SPARC: variants seen among roughly 807,000 people sequenced by gnomAD.
SPARC encodes the protein secreted protein acidic and cysteine rich.
In SPARC, 23 loss-of-function variants were observed where a neutral mutation model predicts 37.7. That is an observed-to-expected ratio of 0.61 (90% CI 0.44 to 0.87). The LOEUF (loss-of-function observed/expected upper bound fraction) is 0.87. Among genes scored for constraint, SPARC ranks in the 40% least tolerant of loss-of-function variants. The pLI, the probability that SPARC is intolerant of heterozygous loss-of-function variation, is 0.00. For missense variants in SPARC, 312 were observed against 389.0 expected (o/e 0.80, Z 1.66); for synonymous variants, 155 against 150.8 (o/e 1.03, Z -0.20).
At chr5:151,677,269 C>A (rs1760878138) in intron 1 of SPARC, among the ~76,000 whole-genome samples, 1 of 151,870 alleles carries the variant, frequency 6.6e-6, no homozygotes, top group South Asian at 2.1e-4. Context: ...TCTAAATGTG[C>A]CTCCCTCAAA....
intron 1 of SPARC, among the ~76,000 whole-genome samples, chr5:151,682,991 A>G (rs373183264): frequency 2.6e-5 from 4 of 151,414 alleles, no homozygotes; most frequent in African/African-American, 9.7e-5. Flanking sequence ...CTAAGCTGCC[A>G]GTTGAGGAGA....
At chr5:151,680,706 G>A (rs1214171164) in intron 1 of SPARC, among the ~76,000 whole-genome samples, 1 of 152,170 alleles carries the variant, frequency 6.6e-6, no homozygotes, top group Non-Finnish European at 1.5e-5. Context: ...ATGACCTTTA[G>A]AAATCAACTT....
intron 6 of SPARC, 152 bp from the exon 7 acceptor site, chr5:151,667,752 G>T: frequency 1.3e-6 from 1 of 783,560 alleles, no homozygotes; most frequent in East Asian, 2.7e-5. Context: ...AGGACAATGA[G>T]CAGAGGAGAT....
At chr5:151,677,758 C>T (rs1330752727) in intron 1 of SPARC, among the ~76,000 whole-genome samples, 2 of 152,154 alleles carry the variant, frequency 1.3e-5, no homozygotes, top group Non-Finnish European at 2.9e-5. Flanking sequence ...AGGAAGAGCC[C>T]ACTTCATAAT....
At position 151,666,483 on chromosome 5, in the gene SPARC, C is replaced by T; in HGVS notation, c.612G>A (p.Lys204=). The T allele has an allele frequency of 6.2e-7, 1 of 1,614,120 alleles. No homozygotes were observed. Among genetic ancestry groups the T allele is most frequent in the Non-Finnish European group, 8.5e-7 (1 of 1,180,006 alleles). ...LRVKKIHENE[K]RLEAGDHPVE... is the part of the protein sequence containing the mutation. Reference sequence around the variant, plus strand: ...CGGGGTGGTCTCCTGCCTCCAGGCGCTTCTCATTCTCATGGATCTTCTTCA... The same window carrying T: ...CGGGGTGGTCTCCTGCCTCCAGGCGTTTCTCATTCTCATGGATCTTCTTCA... The change falls in exon 8 of 10, where the codon AAG becomes AAA. Residue 204 remains lysine, a synonymous_variant. Coordinates refer to ENST00000231061, the MANE Select transcript of SPARC (RefSeq NM_003118.4).
rs186273180 is a variant in SPARC, at chr5:151,665,958, G to A, written c.734+403C>T. ...GCCCTATTGGGGCTGAGCCTTAGGAGGGGGCTTAGACAGTGCCAGGTGGCT... is the reference window on the plus strand; with the variant it reads ...GCCCTATTGGGGCTGAGCCTTAGGAAGGGGCTTAGACAGTGCCAGGTGGCT... On this transcript the variant is annotated intron_variant, in intron 8 of 9. Coordinates refer to ENST00000231061, the MANE Select transcript of SPARC (RefSeq NM_003118.4). Among the ~76,000 whole-genome samples the A allele has an allele frequency of 2.6e-5, 4 of 152,300 alleles. No homozygotes were observed. In the East Asian group the frequency reaches 7.7e-4, roughly 29 times the overall value.
intron 1 of SPARC, among the ~76,000 whole-genome samples, chr5:151,682,877 C>T (rs1275588984): frequency 6.6e-6 from 1 of 152,200 alleles, no homozygotes; most frequent in African/African-American, 2.4e-5. Flanking sequence ...TACCAAGTTT[C>T]TGAAAGAAAC....
rs1381120378 is a variant in SPARC, at chr5:151,661,947, C to T, written c.*1624G>A. 2 of 152,356 alleles carry T rather than the reference C, an allele frequency of 1.3e-5. No individual in the cohort carries two copies. The highest frequency in any genetic ancestry group is 4.8e-5 in the African/African-American group (2 of 41,582). 9.4% of individuals were successfully genotyped at this position (152,356 alleles called of 1,614,324 possible). ...CTCATGGTCTCTCCTACTCTCCCTT[C>T]ATCACACCTGTGACATCTTGCAATT... On this transcript the variant is annotated 3_prime_UTR_variant, in exon 10 of 10. Coordinates refer to ENST00000231061, the MANE Select transcript of SPARC (RefSeq NM_003118.4).
At chr5:151,663,820 T>C (rs1335985517) in intron 9 of SPARC, among the ~76,000 whole-genome samples, 1 of 152,166 alleles carries the variant, frequency 6.6e-6, no homozygotes, top group Non-Finnish European at 1.5e-5. Flanking sequence ...GTTTCCTCTC[T>C]GTGTGCCTGC....
At position 151,685,422 on chromosome 5, in the gene SPARC, TCACA is replaced by T. The variant is rs3033198; in HGVS notation, c.-14+1439_-14+1442del. 3.7e-3 allele frequency among the ~76,000 whole-genome samples: 514 copies of T among 140,220 alleles called. 1 individual carries two copies. The highest frequency in any genetic ancestry group is 0.014 in the Middle Eastern group (4 of 282). 92.0% of individuals were successfully genotyped at this position (140,220 alleles called of 152,430 possible). ...CTCTCTCTCTCTCTCCCTCTCTCTC[TCACA>T]CACACACACACACACACACACACAC... On this transcript the variant is annotated intron_variant, in intron 1 of 9. Coordinates refer to ENST00000231061, the MANE Select transcript of SPARC (RefSeq NM_003118.4).
chr5:151,661,887 C>G lies in SPARC; in HGVS notation c.*1684G>C, dbSNP rs1289766555. On this transcript the variant is annotated 3_prime_UTR_variant, in exon 10 of 10. Transcript: ENST00000231061. ...GTGGCTGCCGTACGGAACAGTACAG[C>G]ACTAGAATAATGCTGTGTCCTCCTG... The G allele has an allele frequency of 6.6e-6, 1 of 152,142 alleles. No homozygotes were observed. Among genetic ancestry groups the G allele is most frequent in the Non-Finnish European group, 1.5e-5 (1 of 68,030 alleles). The allele number at this position is 152,142 out of a possible 1,614,324, so 9.4% of individuals were successfully genotyped here.
chr5:151,672,849 C>T, intron 4 of SPARC: 1 of 431,334 alleles, frequency 2.3e-6, no homozygotes, highest in Non-Finnish European at 4.3e-6. Flanking sequence ...GCTTTGGACT[C>T]AGGGCAAAGA....
chr5:151,683,488 T>C (rs993655804), intron 1 of SPARC, among the ~76,000 whole-genome samples: 5 of 152,212 alleles, frequency 3.3e-5, no homozygotes, highest in African/African-American at 1.2e-4. Flanking sequence ...TGACCTCCAG[T>C]GAGTTATTTT....
At chr5:151,685,082 C>T (rs886623717) in intron 1 of SPARC, 1 of 152,168 alleles carries the variant, frequency 6.6e-6, no homozygotes, top group Non-Finnish European at 1.5e-5. Flanking sequence ...AACTCGCATT[C>T]CTCGGAGAGT....
At chr5:151,684,604 GAAAAAAAAAA>G (rs746262776) in intron 1 of SPARC, among the ~76,000 whole-genome samples, 1 of 112,828 alleles carries the variant, frequency 8.9e-6, no homozygotes, top group African/African-American at 3.4e-5. Flanking sequence ...GAGCTGCCAG[GAAAAAAAAAA>G]AAAAAAAAAG....
intron 5 of SPARC, among the ~76,000 whole-genome samples, chr5:151,671,107 C>T (rs911086486): frequency 6.6e-6 from 1 of 152,192 alleles, no homozygotes; most frequent in Admixed American, 6.5e-5. Context: ...ATGTACCAAA[C>T]ATTTCTGACA....
chr5:151,671,033 T>C (rs1384748927), intron 5 of SPARC, among the ~76,000 whole-genome samples: 1 of 152,162 alleles, frequency 6.6e-6, no homozygotes, highest in Non-Finnish European at 1.5e-5. Context: ...ATGGATCCTA[T>C]TGGAGAGAAG....
intron 4 of SPARC, chr5:151,672,837 C>T (rs1760775915): frequency 4.9e-6 from 2 of 405,422 alleles, no homozygotes; most frequent in Non-Finnish European, 9.2e-6. Context: ...CTGGGAAACT[C>T]AGCTTTGGAC....
intron 5 of SPARC, 33 bp downstream of exon 5, chr5:151,671,540 C>G (rs991255551): frequency 6.5e-6 from 10 of 1,537,438 alleles, no homozygotes; most frequent in Non-Finnish European, 8.7e-6. Flanking sequence ...AGTGCCCAAT[C>G]CCTTCCCCCT....
Sources: gnomAD v4.1 joint callset for allele counts (sites outside exome capture counted in the v4.1 genomes callset) on GRCh38, gnomAD v4.1.1 for gene constraint, MANE v1.5 for transcripts, NCBI Gene and HGNC (gene_info 2026-07-23, HGNC 2026-07-21) for gene names.